HIVEP3: variants seen among roughly 807,000 people sequenced by gnomAD.
HIVEP3 encodes transcription factor HIVEP3.
A neutral mutation model predicts 152.8 loss-of-function variants in HIVEP3; 49 were observed. That is an observed-to-expected ratio of 0.32 (90% confidence interval 0.26 to 0.41). HIVEP3 has a LOEUF of 0.41. HIVEP3 is among the 10% of genes least tolerant of loss of function. The pLI, the probability that HIVEP3 is intolerant of heterozygous loss-of-function variation, is 1.00. For missense variants in HIVEP3, 2,790 were observed against 3,103.3 expected, an observed-to-expected ratio of 0.90 and a Z score of 2.40; for synonymous variants, 1,269 against 1,289.0, an observed-to-expected ratio of 0.98 and a Z score of 0.33.
intron 5 of HIVEP3, among the ~76,000 whole-genome samples, chr1:41,560,624 C>A (rs187384039): frequency 6.6e-6 from 1 of 152,186 alleles, no homozygotes; most frequent in African/African-American, 2.4e-5. Flanking sequence ...CATTGCCTCC[C>A]GGGGCCAGGA....
intron 1 of HIVEP3, among the ~76,000 whole-genome samples, chr1:42,008,308 G>A (rs565159664): frequency 6.6e-6 from 1 of 152,236 alleles, no homozygotes; most frequent in African/African-American, 2.4e-5. Context: ...ACACATTTTT[G>A]TTTCCTTTGT....
chr1:41,829,574 A>C (rs777710517), intron 1 of HIVEP3, among the ~76,000 whole-genome samples: 9 of 151,982 alleles, frequency 5.9e-5, no homozygotes, highest in Non-Finnish European at 7.4e-5. Flanking sequence ...CCAACATATA[A>C]TAAATACAAT....
At chr1:42,024,651 A>G (rs1309809033) in intron 1 of HIVEP3, among the ~76,000 whole-genome samples, 3 of 152,114 alleles carry the variant, frequency 2.0e-5, no homozygotes, top group African/African-American at 7.2e-5. Context: ...TTCATTGTTC[A>G]TCTATATTTA....
intron 1 of HIVEP3, among the ~76,000 whole-genome samples, chr1:42,030,457 T>G (rs1645606734): frequency 6.6e-6 from 1 of 152,156 alleles, no homozygotes. Context: ...TCTCCACAAC[T>G]GATACCAAAA....
rs1358756833 is a variant in HIVEP3 at position 42,002,956 on chromosome 1, T to A, written n.119+32851A>T. Among the ~76,000 whole-genome samples the A allele has an allele frequency of 1.3e-4, 20 of 152,212 alleles. 1 individual carries two copies. On this transcript the variant is annotated intron_variant and non_coding_transcript_variant, in intron 1 of 3. Coordinates refer to the HIVEP3 transcript ENST00000489103. ...TTATTCAAATCCTAATATGAGACTGTGAGTTTATTAGCATCATTCAGTATT... is the reference window on the plus strand; with the variant it reads ...TTATTCAAATCCTAATATGAGACTGAGAGTTTATTAGCATCATTCAGTATT...
At chr1:41,527,499 ACACACT>A (rs1486794344) in intron 5 of HIVEP3, among the ~76,000 whole-genome samples, 12 of 79,540 alleles carry the variant, frequency 1.5e-4, no homozygotes, top group Non-Finnish European at 2.9e-4. Context: ...CCACCCTCAC[ACACACT>A]CACACACCCC....
intron 2 of HIVEP3, among the ~76,000 whole-genome samples, chr1:41,634,219 C>T (rs34994336): frequency 0.04 from 6,014 of 151,004 alleles, 171 homozygotes; most frequent in East Asian, 0.098. Context: ...ATCCAAGAAA[C>T]AGGGAGAAAT....
rs67320823 is a variant in HIVEP3, at chr1:41,876,116, G to GTT, written c.-801+42295_-801+42296dup. Among the ~76,000 whole-genome samples the GTT allele has an allele frequency of 3.9e-3, 567 of 146,554 alleles. 2 individuals are homozygous for GTT. Among genetic ancestry groups the GTT allele is most frequent in the Middle Eastern group, 7.0e-3 (2 of 284 alleles). On this transcript the variant is annotated intron_variant, in intron 1 of 8. Coordinates refer to ENST00000372583, the MANE Select transcript of HIVEP3 (RefSeq NM_024503.5). ...TCTACTTTGTTGGGGAGAGTGTTAA[G>GTT]TTTTTTTTTTTTTTCTTTTATGAAA...
At chr1:41,683,726 G>A (rs1646074455) in intron 2 of HIVEP3, among the ~76,000 whole-genome samples, 1 of 152,178 alleles carries the variant, frequency 6.6e-6, no homozygotes, top group African/African-American at 2.4e-5. Context: ...TAGGGCCCAG[G>A]ACTCAGTAAA....
At chr1:41,787,219 G>A (rs746965461) in intron 1 of HIVEP3, among the ~76,000 whole-genome samples, 1 of 152,150 alleles carries the variant, frequency 6.6e-6, no homozygotes, top group Non-Finnish European at 1.5e-5. Context: ...TCTGATGCAT[G>A]CACTACGCCG....
intron 5 of HIVEP3, among the ~76,000 whole-genome samples, chr1:41,560,636 T>C (rs1016437041): frequency 6.6e-6 from 1 of 152,186 alleles, no homozygotes; most frequent in Admixed American, 6.5e-5. Flanking sequence ...GGGCCAGGAC[T>C]TCACCCCGTG....
chr1:41,701,146 G>A (rs1462523133), intron 1 of HIVEP3, among the ~76,000 whole-genome samples, 151 bp from the exon 2 acceptor site: 1 of 152,206 alleles, frequency 6.6e-6, no homozygotes, highest in Non-Finnish European at 1.5e-5. Flanking sequence ...TTATGACGAG[G>A]TCAAGATCAG....
intron 1 of HIVEP3, among the ~76,000 whole-genome samples, chr1:41,872,073 C>G (rs758274695): frequency 6.6e-6 from 1 of 152,142 alleles, no homozygotes; most frequent in Non-Finnish European, 1.5e-5. Context: ...ATAAAAACTT[C>G]CATAATGCCA....
At chr1:41,666,814 C>T (rs947178005) in intron 2 of HIVEP3, among the ~76,000 whole-genome samples, 6 of 152,172 alleles carry the variant, frequency 3.9e-5, no homozygotes, top group South Asian at 2.1e-4. Context: ...CGAAACCACC[C>T]GGTCTATTAG....
Position 41,518,499 on chromosome 1 carries a change from A to T in HIVEP3, c.5384-11T>A. 1 of 1,611,376 alleles carries T rather than the reference A, an allele frequency of 6.2e-7. No homozygotes were observed. The highest frequency in any genetic ancestry group is 1.1e-5 in the South Asian group (1 of 91,056). ...GCTTAGTCAGATTCCCTAGAAAGAAACGAGAATACTTAGGCTCTGCTATGG... is the reference window on the plus strand; with the variant it reads ...GCTTAGTCAGATTCCCTAGAAAGAATCGAGAATACTTAGGCTCTGCTATGG... On this transcript the variant is annotated splice_polypyrimidine_tract_variant and intron_variant, in intron 6 of 8. Transcript: ENST00000372583.
chr1:41,720,557 G>T (rs1449263840), intron 1 of HIVEP3, among the ~76,000 whole-genome samples: 2 of 151,932 alleles, frequency 1.3e-5, no homozygotes, highest in Non-Finnish European at 2.9e-5. Flanking sequence ...ATGTCAAGAG[G>T]CTCCTAAGAC....
chr1:41,906,004 G>C (rs1644703346), intron 1 of HIVEP3, among the ~76,000 whole-genome samples: 1 of 152,114 alleles, frequency 6.6e-6, no homozygotes, highest in Non-Finnish European at 1.5e-5. Flanking sequence ...CTATCAACAG[G>C]TGGATGGATA....
At chr1:41,690,646 G>T (rs928931163) in intron 2 of HIVEP3, among the ~76,000 whole-genome samples, 1 of 152,158 alleles carries the variant, frequency 6.6e-6, no homozygotes, top group Non-Finnish European at 1.5e-5. Flanking sequence ...GGCCCGGCAC[G>T]GTGGCTTACA....
chr1:41,901,244 C>T (rs1393273673), intron 1 of HIVEP3, among the ~76,000 whole-genome samples: 1 of 151,848 alleles, frequency 6.6e-6, no homozygotes, highest in African/African-American at 2.4e-5. Context: ...GAGGAAGGGG[C>T]TGGGGTGTGG....
Sources: allele counts gnomAD v4.1 joint callset (sites outside exome capture counted in the v4.1 genomes callset), GRCh38; gene constraint gnomAD v4.1.1; transcripts MANE v1.5; gene names NCBI Gene and HGNC (gene_info 2026-07-23, HGNC 2026-07-21).